Variants in ANKRD6 observed in about 807,000 individuals in gnomAD.
ANKRD6 encodes the protein ankyrin repeat domain-containing protein 6.
Under a neutral mutation model 82.3 loss-of-function variants are expected in ANKRD6, and 56 were observed. The ratio of observed to expected loss-of-function variants is 0.68; its 90% CI spans 0.55 to 0.85. ANKRD6 has a LOEUF of 0.85. Ranked by LOEUF, ANKRD6 falls within the 40% of genes least tolerant of loss-of-function variation. The pLI is 0.00. For missense variants in ANKRD6, 852 were observed against 907.6 expected (o/e 0.94, Z 0.79); for synonymous variants, 347 against 352.1 (o/e 0.99, Z 0.16).
intron 1 of ANKRD6, among the ~76,000 whole-genome samples, chr6:89,489,813 G>A (rs925821896): frequency 2.0e-5 from 3 of 152,176 alleles, no homozygotes; most frequent in African/African-American, 7.2e-5. Flanking sequence ...TAATTGGAAA[G>A]CTCCATGAAC....
At position 89,623,554 on chromosome 6, in the gene ANKRD6, C is replaced by G. The variant is rs1421256107; in HGVS notation, c.1032+10C>G. ...AAAGTCAAGGCCCAAGGTCAGGAGA[C>G]ACAGAAAGCAGCCCAGAGGGGTGGC... On this transcript the variant is annotated intron_variant, in intron 11 of 15. Transcript: ENST00000339746. The G allele has an allele frequency of 8.9e-6, 14 of 1,575,680 alleles. No homozygotes were observed. Among genetic ancestry groups the G allele is most frequent in the Non-Finnish European group, 1.2e-5 (14 of 1,160,624 alleles).
chr6:89,477,770 CAAAA>C (rs772097321), intron 1 of ANKRD6, among the ~76,000 whole-genome samples: 4 of 51,906 alleles, frequency 7.7e-5, no homozygotes, highest in Non-Finnish European at 4.0e-5. Flanking sequence ...GACTCCGTCT[CAAAA>C]AAAAAAAAAA....
chr6:89,631,230 A>G lies in ANKRD6; in HGVS notation c.*226A>G. 1 of 740,998 alleles carries G rather than the reference A, an allele frequency of 1.3e-6. No individual in the cohort carries two copies. 45.9% of individuals were successfully genotyped at this position (740,998 alleles called of 1,614,324 possible). ...GGAAGCTTGCTTAGTTTTGGGTTTC[A>G]TTATAAACTCTTAGCCTCAGTCCAG... On this transcript the variant is annotated 3_prime_UTR_variant, in exon 16 of 16. Coordinates refer to ENST00000339746, the MANE Select transcript of ANKRD6 (RefSeq NM_001242809.2).
At chr6:89,436,444 A>T (rs1770647739) in intron 1 of ANKRD6, among the ~76,000 whole-genome samples, 1 of 152,198 alleles carries the variant, frequency 6.6e-6, no homozygotes, top group African/African-American at 2.4e-5. Flanking sequence ...ACTAGTTTCC[A>T]TTGAAATTTT....
chr6:89,438,149 G>A (rs145660705), intron 1 of ANKRD6, among the ~76,000 whole-genome samples: 46 of 152,206 alleles, frequency 3.0e-4, no homozygotes, highest in Admixed American at 2.4e-3. Flanking sequence ...GTCTTTCACC[G>A]ATACAGGTAT....
chr6:89,618,255 C>T (rs1802114128), intron 9 of ANKRD6: 21 of 681,962 alleles, frequency 3.1e-5, no homozygotes, highest in Non-Finnish European at 5.3e-5. Flanking sequence ...CTCCCTGTGG[C>T]TGGATCTTTG....
intron 1 of ANKRD6, among the ~76,000 whole-genome samples, chr6:89,463,867 A>G (rs999713282): frequency 6.6e-6 from 1 of 151,800 alleles, no homozygotes; most frequent in African/African-American, 2.4e-5. Context: ...CTTATTTTAT[A>G]AAAAAAAGCA....
At chr6:89,450,677 AC>A (rs1426363519) in intron 1 of ANKRD6, among the ~76,000 whole-genome samples, 3 of 146,644 alleles carry the variant, frequency 2.0e-5, no homozygotes, top group African/African-American at 7.6e-5. Context: ...ACCACTGCAG[AC>A]TTTTTTTTTT....
At chr6:89,603,219 C>T (rs1797651095) in intron 4 of ANKRD6, 92 bp downstream of exon 4, 3 of 1,041,856 alleles carry the variant, frequency 2.9e-6, no homozygotes, top group East Asian at 2.6e-5. Context: ...ACTTTTGAGT[C>T]CTCGAGGTAT....
intron 1 of ANKRD6, among the ~76,000 whole-genome samples, chr6:89,529,700 A>G (rs1268170971): frequency 6.6e-6 from 1 of 152,210 alleles, no homozygotes; most frequent in Non-Finnish European, 1.5e-5. Flanking sequence ...GAGAGACATG[A>G]AACTTGTCCT....
chr6:89,614,999 G>A (rs1224891904), intron 7 of ANKRD6, among the ~76,000 whole-genome samples: 2 of 152,174 alleles, frequency 1.3e-5, no homozygotes, highest in Non-Finnish European at 2.9e-5. Flanking sequence ...AGAGTGCCAT[G>A]CAATGGGGTT....
chr6:89,441,064 C>G (rs1771312051), intron 1 of ANKRD6, among the ~76,000 whole-genome samples: 1 of 152,184 alleles, frequency 6.6e-6, no homozygotes, highest in Non-Finnish European at 1.5e-5. Flanking sequence ...GATAATAACT[C>G]TGTTCCTAGT....
chr6:89,452,025 T>C (rs1202290498), intron 1 of ANKRD6, among the ~76,000 whole-genome samples: 1 of 151,944 alleles, frequency 6.6e-6, no homozygotes, highest in African/African-American at 2.4e-5. Flanking sequence ...CAAGACCCCA[T>C]CTCAGCACCA....
In ANKRD6 at chr6:89,630,946, T is replaced by G. The variant is rs1489447702; in HGVS notation, c.2126T>G (p.Ile709Ser). 6.2e-7 allele frequency: 1 copy of G among 1,600,612 alleles called. No individual in the cohort carries two copies. ...QQDKATLKEH[I>S]KSLEEELAKL... Reference sequence around the variant, plus strand: ...GATAAGGCTACATTGAAGGAACACATTAAAAGTTTAGAAGAGGAACTTGCC... The same window carrying G: ...GATAAGGCTACATTGAAGGAACACAGTAAAAGTTTAGAAGAGGAACTTGCC... The change falls in exon 16 of 16, where the codon ATT (isoleucine) becomes AGT (serine). Residue 709 changes from isoleucine to serine, a missense_variant. Physicochemically the swap from Ile to Ser is moderately radical, Grantham distance 142. Transcript: ENST00000339746.
rs1780088742 is a variant in ANKRD6 at position 89,508,084 on chromosome 6, C to T, written c.-143-58750C>T. 1.3e-5 allele frequency among the ~76,000 whole-genome samples: 2 copies of T among 152,148 alleles called. 1 individual carries two copies. Among genetic ancestry groups the T allele is most frequent in the Non-Finnish European group, 2.9e-5 (2 of 68,034 alleles). On this transcript the variant is annotated intron_variant, in intron 1 of 15. Transcript: ENST00000339746. ...TAAGCTTGCTTTATCACCTAGATACCACCTGTATTCATTATTTATTGCTGT... is the reference window on the plus strand; with the variant it reads ...TAAGCTTGCTTTATCACCTAGATACTACCTGTATTCATTATTTATTGCTGT...
At chr6:89,569,346 G>A (rs1789261025) in intron 2 of ANKRD6, among the ~76,000 whole-genome samples, 1 of 152,126 alleles carries the variant, frequency 6.6e-6, no homozygotes. Flanking sequence ...GAATCATATG[G>A]TATGTGGTCT....
intron 1 of ANKRD6, among the ~76,000 whole-genome samples, chr6:89,513,787 T>C (rs185530726): frequency 6.6e-6 from 1 of 152,334 alleles, no homozygotes; most frequent in Non-Finnish European, 1.5e-5. Context: ...GGCAGTGAGC[T>C]TCACAGAGAC....
At chr6:89,561,958 G>A (rs1310084665) in intron 1 of ANKRD6, among the ~76,000 whole-genome samples, 3 of 152,138 alleles carry the variant, frequency 2.0e-5, no homozygotes, top group South Asian at 2.1e-4. Flanking sequence ...GCTTTAGGAC[G>A]GCAGGTGGTA....
At chr6:89,610,679 G>GT (rs1047532840) in intron 5 of ANKRD6, among the ~76,000 whole-genome samples, 1 of 151,812 alleles carries the variant, frequency 6.6e-6, no homozygotes, top group African/African-American at 2.4e-5. Flanking sequence ...TGAGAGTAGT[G>GT]TTTTTAAAAC....
Sources: gnomAD v4.1 joint callset for allele counts (sites outside exome capture counted in the v4.1 genomes callset) on GRCh38, gnomAD v4.1.1 for gene constraint, MANE v1.5 for transcripts, NCBI Gene and HGNC (gene_info 2026-07-23, HGNC 2026-07-21) for gene names.